The following RIN2 variants were observed in gnomAD, a reference collection of about 807,000 sequenced individuals.
The protein encoded by RIN2 is Ras and Rab interactor 2, also known as RAB5 interacting protein 2.
RIN2 carries 36 observed loss-of-function variants against 78.0 expected under a neutral mutation model. That is an observed-to-expected ratio of 0.46 (90% CI 0.35 to 0.61). The LOEUF (loss-of-function observed/expected upper bound fraction) is 0.61. Among genes scored for constraint, RIN2 ranks in the 20% least tolerant of loss-of-function variants. The probability of loss-of-function intolerance (pLI) is 0.00; values close to 1 mark genes in which losing one functional copy is unlikely to be tolerated. For missense variants in RIN2, 1,087 were observed against 1,159.7 expected (o/e 0.94, Z 0.91); for synonymous variants, 466 against 466.8 (o/e 1.00, Z 0.02).
intron 2 of RIN2, chr20:19,886,472 C>T: frequency 2.0e-6 from 1 of 510,648 alleles, no homozygotes; most frequent in Non-Finnish European, 3.5e-6. Flanking sequence ...TAGTCACTTC[C>T]TGCCTTTGTC....
At chr20:19,917,169 C>A (rs2039720212) in intron 3 of RIN2, among the ~76,000 whole-genome samples, 2 of 151,192 alleles carry the variant, frequency 1.3e-5, no homozygotes, top group South Asian at 4.2e-4. Context: ...AAAGCCCCAG[C>A]TTCAGGGAGG....
At chr20:19,991,753 G>C (rs1347987848) in intron 10 of RIN2, among the ~76,000 whole-genome samples, 1 of 152,176 alleles carries the variant, frequency 6.6e-6, no homozygotes, top group Non-Finnish European at 1.5e-5. Flanking sequence ...GTTTGACCTT[G>C]TCATTATGTT....
intron 5 of RIN2, among the ~76,000 whole-genome samples, chr20:19,958,275 T>C (rs1320310562): frequency 6.6e-6 from 1 of 152,258 alleles, no homozygotes; most frequent in Non-Finnish European, 1.5e-5. Context: ...TTTTGTTCTA[T>C]AGGATCAGGA....
chr20:19,876,643 GCCTGGA>G (rs2037863505), intron 2 of RIN2, among the ~76,000 whole-genome samples: 1 of 152,132 alleles, frequency 6.6e-6, no homozygotes, highest in Admixed American at 6.5e-5. Context: ...TGTGGCTCAC[GCCTGGA>G]ATCCCAGCAC....
At chr20:19,816,744 C>T (rs1462276023) in intron 2 of RIN2, among the ~76,000 whole-genome samples, 1 of 152,184 alleles carries the variant, frequency 6.6e-6, no homozygotes, top group East Asian at 1.9e-4. Flanking sequence ...TCCTTAACCT[C>T]TGCATAAAAG....
At chr20:19,800,710 T>A (rs1278529945) in intron 2 of RIN2, among the ~76,000 whole-genome samples, 1 of 152,222 alleles carries the variant, frequency 6.6e-6, no homozygotes, top group Non-Finnish European at 1.5e-5. Context: ...AAGCTGTCCC[T>A]GCTAAACCAT....
intron 2 of RIN2, among the ~76,000 whole-genome samples, chr20:19,822,392 G>A (rs772062331): frequency 3.3e-5 from 5 of 152,144 alleles, no homozygotes; most frequent in Non-Finnish European, 7.4e-5. Context: ...AGGGTGGATC[G>A]ACAGAATAGA....
chr20:19,994,681 T>C (rs1477572229), intron 11 of RIN2, among the ~76,000 whole-genome samples: 1 of 152,304 alleles, frequency 6.6e-6, no homozygotes, highest in Non-Finnish European at 1.5e-5. Context: ...GCTCAAATCC[T>C]GACCCTCCAT....
In RIN2 at chr20:19,844,698, CTCTTCTTCTTCT is replaced by C. The variant is rs869169793; in HGVS notation, c.-36-44833_-36-44822del. 2.4e-3 allele frequency among the ~76,000 whole-genome samples: 63 copies of C among 26,316 alleles called. 1 individual carries two copies. Among genetic ancestry groups the C allele is most frequent in the African/African-American group, 6.1e-3 (53 of 8,650 alleles). The allele number at this position is 26,316 out of a possible 152,430, so 17.3% of individuals were successfully genotyped here. The stretch of plus-strand genomic sequence containing the variant: ...CTTCTTCTTCTTCCTCTTCCTCTTC[CTCTTCTTCTTCT>C]TCTTCTTCTTCTTCTTCTTCTTCTT... On this transcript the variant is annotated intron_variant, in intron 2 of 12. Transcript: ENST00000255006.
At chr20:19,888,331 T>C (rs6046412) in intron 2 of RIN2, among the ~76,000 whole-genome samples, 81,042 of 151,510 alleles carry the variant, frequency 0.53, 21,927 homozygotes, top group African/African-American at 0.65. Context: ...AAAAAAACCT[T>C]TGTGCAAAGA....
At position 19,844,658 on chromosome 20, in the gene RIN2, T is replaced by C. The variant is rs1354392242; in HGVS notation, c.-36-44908T>C. Reference sequence around the variant, plus strand: ...CTTCTTCTTCTTCTTCTTCTTCTTCTTCTTCTTCTTCCTTCTTCTTCTTCT... The same window carrying C: ...CTTCTTCTTCTTCTTCTTCTTCTTCCTCTTCTTCTTCCTTCTTCTTCTTCT... On this transcript the variant is annotated intron_variant, in intron 2 of 12. Transcript: ENST00000255006. 1.2e-3 allele frequency among the ~76,000 whole-genome samples: 154 copies of C among 128,046 alleles called. 2 individuals carry two copies. The highest frequency in any genetic ancestry group is 3.7e-3 in the Middle Eastern group (1 of 268). The allele number at this position is 128,046 out of a possible 152,430, so 84.0% of individuals were successfully genotyped here. A position where few individuals can be genotyped will look rare whatever the true frequency, so the allele number is the denominator to read the frequency against.
intron 12 of RIN2, among the ~76,000 whole-genome samples, chr20:19,999,740 A>G (rs1341675751): frequency 6.6e-6 from 1 of 152,190 alleles, no homozygotes; most frequent in Non-Finnish European, 1.5e-5. Context: ...TCATGATAGC[A>G]TGTACCTGGC....
At chr20:19,834,965 GAGAA>G (rs1479484710) in intron 2 of RIN2, among the ~76,000 whole-genome samples, 48 of 148,678 alleles carry the variant, frequency 3.2e-4, no homozygotes, top group Middle Eastern at 3.5e-3. Flanking sequence ...GAGAGAGAGA[GAGAA>G]AGAAAGAAAG....
At chr20:19,956,305 T>C (rs2041535484) in intron 4 of RIN2, among the ~76,000 whole-genome samples, 2 of 151,854 alleles carry the variant, frequency 1.3e-5, no homozygotes, top group South Asian at 4.2e-4. Context: ...AAGAAATGTT[T>C]TATGTCGGAA....
At chr20:19,853,841 CTGA>C (rs1229553623) in intron 2 of RIN2, among the ~76,000 whole-genome samples, 17 of 152,174 alleles carry the variant, frequency 1.1e-4, no homozygotes, top group African/African-American at 4.1e-4. Context: ...CCTGTTCACT[CTGA>C]TGATAGTTTC....
chr20:19,992,398 C>A, intron 11 of RIN2, 99 bp downstream of exon 11: 1 of 1,188,132 alleles, frequency 8.4e-7, no homozygotes, highest in Non-Finnish European at 1.2e-6. Flanking sequence ...AATCATTTTA[C>A]AGTGAATAAT....
chr20:19,791,145 G>T (rs1337508641), intron 1 of RIN2, among the ~76,000 whole-genome samples: 2 of 152,200 alleles, frequency 1.3e-5, no homozygotes, highest in Non-Finnish European at 1.5e-5. Context: ...AAATCAGCCA[G>T]TGGCTTTGAA....
chr20:19,917,443 C>T (rs921346714), intron 3 of RIN2, among the ~76,000 whole-genome samples: 3 of 152,086 alleles, frequency 2.0e-5, no homozygotes, highest in Non-Finnish European at 4.4e-5. Context: ...TCTATTTTTC[C>T]TAAAATGATA....
chr20:19,765,757 C>T (rs989505876), intron 1 of RIN2, among the ~76,000 whole-genome samples: 18 of 118,822 alleles, frequency 1.5e-4, no homozygotes, highest in Middle Eastern at 3.6e-3. Context: ...ATCCCTCTTC[C>T]TTTTATGAAG....
Sources: gnomAD v4.1 joint callset for allele counts (sites outside exome capture counted in the v4.1 genomes callset) on GRCh38, gnomAD v4.1.1 for gene constraint, MANE v1.5 for transcripts, NCBI Gene and HGNC (gene_info 2026-07-23, HGNC 2026-07-21) for gene names.